CDH18: variants seen among roughly 807,000 people sequenced by gnomAD.
CDH18 encodes cadherin 18.
In CDH18, 31 loss-of-function variants were observed where a neutral mutation model predicts 67.9. The observed-to-expected ratio is 0.46, with a 90% CI of 0.34 to 0.62. The LOEUF (loss-of-function observed/expected upper bound fraction) is 0.62. CDH18 is among the 20% of genes least tolerant of loss of function. The probability of loss-of-function intolerance (pLI) is 0.01; values close to 1 mark genes in which losing one functional copy is unlikely to be tolerated. For synonymous variants in CDH18, 362 were observed against 347.2 expected (o/e 1.04, Z -0.48); for missense variants, 890 against 975.5 (o/e 0.91, Z 1.17).
At chr5:20,349,242 A>G (rs774022538) in intron 1 of CDH18, among the ~76,000 whole-genome samples, 32 of 152,170 alleles carry the variant, frequency 2.1e-4, no homozygotes, top group Non-Finnish European at 2.9e-4. Context: ...TTAGGCATTT[A>G]CAACCAAACA....
intron 1 of CDH18, among the ~76,000 whole-genome samples, chr5:20,480,582 T>C (rs1752729595): frequency 6.6e-6 from 1 of 152,152 alleles, no homozygotes; most frequent in Non-Finnish European, 1.5e-5. Context: ...CACACTTGGC[T>C]AAGTTTTGTA....
intron 2 of CDH18, among the ~76,000 whole-genome samples, chr5:20,140,486 A>G (rs540548237): frequency 1.3e-5 from 2 of 152,170 alleles, no homozygotes; most frequent in East Asian, 3.9e-4. Flanking sequence ...ATAAAATATA[A>G]AAAAAGAAAT....
chr5:19,696,505 C>A (rs1461646265), intron 5 of CDH18, among the ~76,000 whole-genome samples: 1 of 151,264 alleles, frequency 6.6e-6, no homozygotes, highest in African/African-American at 2.4e-5. Flanking sequence ...CACTGCACTC[C>A]AGCTTGAGTG....
intron 4 of CDH18, among the ~76,000 whole-genome samples, chr5:19,723,785 C>T (rs1766439119): frequency 6.6e-6 from 1 of 152,074 alleles, no homozygotes; most frequent in African/African-American, 2.4e-5. Flanking sequence ...GCCATCTCGG[C>T]TCACTGCAAC....
chr5:20,346,445 G>A (rs1561991699), intron 1 of CDH18, among the ~76,000 whole-genome samples: 2 of 152,110 alleles, frequency 1.3e-5, no homozygotes. Flanking sequence ...ACTTCTTGGG[G>A]TCCTTTAGGA....
chr5:20,358,622 T>C (rs1402347087), intron 1 of CDH18, among the ~76,000 whole-genome samples: 3 of 152,160 alleles, frequency 2.0e-5, no homozygotes, highest in East Asian at 3.9e-4. Context: ...CTCAGAAATA[T>C]ATTCCAAAAT....
At chr5:19,554,324 A>C (rs1280089364) in intron 8 of CDH18, among the ~76,000 whole-genome samples, 2 of 152,128 alleles carry the variant, frequency 1.3e-5, no homozygotes, top group African/African-American at 4.8e-5. Flanking sequence ...AATGCTACAA[A>C]ACCTTATTAG....
At chr5:19,808,995 A>C (rs1448570270) in intron 3 of CDH18, among the ~76,000 whole-genome samples, 1 of 152,136 alleles carries the variant, frequency 6.6e-6, no homozygotes, top group Non-Finnish European at 1.5e-5. Flanking sequence ...TGATAAAAGA[A>C]TACTGTATGT....
At chr5:19,961,622 T>G (rs1796916285) in intron 2 of CDH18, among the ~76,000 whole-genome samples, 1 of 152,142 alleles carries the variant, frequency 6.6e-6, no homozygotes, top group South Asian at 2.1e-4. Context: ...GTATCTTATC[T>G]TCATTATGAA....
chr5:19,535,148 CTAT>C (rs1262002815), intron 9 of CDH18, among the ~76,000 whole-genome samples: 17 of 152,234 alleles, frequency 1.1e-4, no homozygotes, highest in Admixed American at 3.3e-4. Context: ...GGGTAACACA[CTAT>C]TGTTTATTGA....
At chr5:19,556,307 T>C (rs1738407418) in intron 8 of CDH18, among the ~76,000 whole-genome samples, 1 of 151,432 alleles carries the variant, frequency 6.6e-6, no homozygotes, top group African/African-American at 2.4e-5. Context: ...TTTCAGAAGA[T>C]TGATTATTAA....
At chr5:20,558,406 C>T (rs1413008959) in intron 1 of CDH18, among the ~76,000 whole-genome samples, 2 of 151,982 alleles carry the variant, frequency 1.3e-5, no homozygotes, top group Non-Finnish European at 2.9e-5. Context: ...TCCAGACTAC[C>T]AAGTGAGAAG....
intron 9 of CDH18, among the ~76,000 whole-genome samples, chr5:19,534,646 C>G (rs553106470): frequency 1.3e-5 from 2 of 152,058 alleles, no homozygotes; most frequent in African/African-American, 4.8e-5. Context: ...TGCTTTTTTA[C>G]ATATAAGTAA....
In CDH18 at chr5:19,473,113, G is replaced by A; in HGVS notation, c.*113C>T. 3 of 1,274,860 alleles carry A rather than the reference G, an allele frequency of 2.4e-6. No homozygotes were observed. The highest frequency in any genetic ancestry group is 1.5e-5 in the African/African-American group (1 of 66,192). 79.0% of individuals were successfully genotyped at this position (1,274,860 alleles called of 1,614,324 possible). A position where few individuals can be genotyped will look rare whatever the true frequency, so the allele number is the denominator to read the frequency against. On this transcript the variant is annotated 3_prime_UTR_variant, in exon 13 of 13. Coordinates refer to ENST00000382275, the MANE Select transcript of CDH18 (RefSeq NM_004934.5). ...GGGCACTTGTTTCTACAGGAGCTGT[G>A]TCCAGCTTCCTCAGTTCCAAGTACT...
intron 1 of CDH18, among the ~76,000 whole-genome samples, chr5:20,402,451 G>GA (rs1039543473): frequency 1.1e-4 from 16 of 152,124 alleles, no homozygotes; most frequent in Non-Finnish European, 2.1e-4. Flanking sequence ...GTTTGTACAG[G>GA]AAAAAAATGT....
chr5:20,175,994 T>C (rs910497366), intron 2 of CDH18, among the ~76,000 whole-genome samples: 1 of 152,138 alleles, frequency 6.6e-6, no homozygotes. Context: ...TGAATGTGAG[T>C]AGAAGTTATG....
At chr5:20,205,658 A>C in intron 2 of CDH18, among the ~76,000 whole-genome samples, 1 of 152,042 alleles carries the variant, frequency 6.6e-6, no homozygotes, top group East Asian at 1.9e-4. Flanking sequence ...AAGAAATCAT[A>C]TAATATTTTC....
intron 3 of CDH18, among the ~76,000 whole-genome samples, chr5:19,830,768 A>G (rs574430152): frequency 1.3e-5 from 2 of 152,254 alleles, no homozygotes; most frequent in South Asian, 2.1e-4. Context: ...AACAATAGCA[A>G]AGTTATGAAA....
intron 1 of CDH18, among the ~76,000 whole-genome samples, chr5:20,466,786 C>T (rs1751661718): frequency 6.6e-6 from 1 of 152,064 alleles, no homozygotes; most frequent in Non-Finnish European, 1.5e-5. Flanking sequence ...TGGCTCAGTT[C>T]TTCCATCATG....
Sources: allele counts gnomAD v4.1 joint callset (sites outside exome capture counted in the v4.1 genomes callset), GRCh38; gene constraint gnomAD v4.1.1; transcripts MANE v1.5; gene names NCBI Gene and HGNC (gene_info 2026-07-23, HGNC 2026-07-21).